The following PPM1D variants were observed in gnomAD, a reference collection of about 807,000 sequenced individuals.
PPM1D encodes protein phosphatase, Mg2+/Mn2+ dependent 1D, also known as protein phosphatase 1D.
A neutral mutation model predicts 58.3 loss-of-function variants in PPM1D; 52 were observed. That is an observed-to-expected ratio of 0.89 (90% CI 0.71 to 1.12). The LOEUF (loss-of-function observed/expected upper bound fraction) is 1.12, where lower values mean the gene tolerates loss of function less well. PPM1D is among the 50% of genes most tolerant of loss of function. PPM1D has a pLI of 0.00. For missense variants in PPM1D, 564 were observed against 777.2 expected (o/e 0.73, Z 3.26); for synonymous variants, 278 against 285.1 (o/e 0.98, Z 0.25).
chr17:60,611,274 G>T (rs931766356), intron 1 of PPM1D, among the ~76,000 whole-genome samples: 8 of 152,152 alleles, frequency 5.3e-5, no homozygotes, highest in Non-Finnish European at 1.0e-4. Flanking sequence ...GCACGCCTTG[G>T]CCTCCTAAAG....
At chr17:60,639,084 G>A (rs895491444) in intron 3 of PPM1D, among the ~76,000 whole-genome samples, 1 of 152,024 alleles carries the variant, frequency 6.6e-6, no homozygotes, top group African/African-American at 2.4e-5. Flanking sequence ...GGGTTGAAAG[G>A]CATTCATCAG....
At position 60,628,507 on chromosome 17, in the gene PPM1D, G is replaced by C. The variant is rs556150542; in HGVS notation, c.701+4758G>C. 6.6e-5 allele frequency among the ~76,000 whole-genome samples: 10 copies of C among 152,164 alleles called. No individual in the cohort carries two copies. In the South Asian group the frequency reaches 2.1e-3, roughly 32 times the overall value. On this transcript the variant is annotated intron_variant, in intron 2 of 5. Coordinates refer to ENST00000305921, the MANE Select transcript of PPM1D (RefSeq NM_003620.4). The stretch of plus-strand genomic sequence containing the variant: ...CGTAAGAGTCCTCTGTACTTTGTCT[G>C]TTCATCCCTCCCCCACTTACTCCTG...
rs773093773 is a variant in PPM1D, at chr17:60,663,550, T to C, written c.1816T>C (p.Ter606ArgextTer6). The C allele has an allele frequency of 6.2e-7, 1 of 1,603,614 alleles. No individual in the cohort carries two copies. Among genetic ancestry groups the C allele is most frequent in the South Asian group, 1.1e-5 (1 of 90,970 alleles). Residue 606 changes from the stop codon to arginine, a stop_lost, in exon 6 of 6, where the codon TGA (stop) becomes CGA (arginine). Coordinates refer to ENST00000305921, the MANE Select transcript of PPM1D (RefSeq NM_003620.4). The stretch of plus-strand genomic sequence containing the variant: ...ACACAGGAAAACTGTTTGTGTTTGC[T>C]GAAATGCATCTGGGAAATGAGGTTT... ...HQHRKTVCVC[*>R]
rs1252591568 is a variant in PPM1D, at chr17:60,665,954, A to C, written c.*2402A>C. ...TGTTTTTTGTAACCTAGCCTCTGAA[A>C]GTGTCATACCAATTCTGTATTTTGT... On this transcript the variant is annotated 3_prime_UTR_variant, in exon 6 of 6. Coordinates refer to ENST00000305921, the MANE Select transcript of PPM1D (RefSeq NM_003620.4). 2.0e-5 allele frequency: 3 copies of C among 152,208 alleles called. No individual in the cohort carries two copies. The highest frequency in any genetic ancestry group is 7.2e-5 in the African/African-American group (3 of 41,448). The allele number at this position is 152,208 out of a possible 1,614,324, so 9.4% of individuals were successfully genotyped here.
intron 5 of PPM1D, chr17:60,657,153 G>A (rs2031457056): frequency 1.3e-5 from 14 of 1,096,262 alleles, no homozygotes; most frequent in South Asian, 9.5e-5. Context: ...TTTGAATCTC[G>A]TAGCCCAGAA....
chr17:60,663,297 GAAAGCCCAAGAAA>G lies in PPM1D; in HGVS notation c.1564_1576del (p.Lys522LeufsTer13). 1 of 1,614,176 alleles carries G rather than the reference GAAAGCCCAAGAAA, an allele frequency of 6.2e-7. No homozygotes were observed. Among genetic ancestry groups the G allele is most frequent in the Non-Finnish European group, 8.5e-7 (1 of 1,180,028 alleles). ...TGAAGATGTCAACTCCTGGCCAAAT[GAAAGCCCAAGAAA>G]TTGAAAGAACCCCTCCAACAAACTT... On this transcript the variant is annotated frameshift_variant, in exon 6 of 6. Transcript: ENST00000305921. LOFTEE classifies it high-confidence loss of function.
Position 60,663,304 on chromosome 17 carries a change from CAAGA to C in PPM1D, c.1573_1576del (p.Glu525LeufsTer13). ...GTCAACTCCTGGCCAAATGAAAGCC[CAAGA>C]AATTGAAAGAACCCCTCCAACAAAC... On this transcript the variant is annotated frameshift_variant, in exon 6 of 6. Coordinates refer to ENST00000305921, the MANE Select transcript of PPM1D (RefSeq NM_003620.4). LOFTEE classifies it high-confidence loss of function. The C allele has an allele frequency of 6.2e-7, 1 of 1,614,092 alleles. No individual in the cohort carries two copies. The highest frequency in any genetic ancestry group is 8.5e-7 in the Non-Finnish European group (1 of 1,180,012).
intron 3 of PPM1D, among the ~76,000 whole-genome samples, chr17:60,642,352 ATT>A (rs760188816): frequency 5.4e-4 from 67 of 124,806 alleles, no homozygotes; most frequent in Admixed American, 9.1e-4. Flanking sequence ...AGAAGAATGG[ATT>A]TTTTTTTTTT....
chr17:60,603,147 A>G (rs926460622), intron 1 of PPM1D, among the ~76,000 whole-genome samples: 5 of 152,170 alleles, frequency 3.3e-5, no homozygotes, highest in Non-Finnish European at 7.4e-5. Context: ...TTCTGTGAAG[A>G]CTACTTTCTT....
Position 60,600,889 on chromosome 17 carries a change from A to G in PPM1D, c.472+3A>G. 6.2e-7 allele frequency: 1 copy of G among 1,613,054 alleles called. No individual in the cohort carries two copies. ...CCTTGCCATGTGGAAGAAACTGGGT[A>G]AGTTCCCTGGCTTGTTTGGCGCCCG... On this transcript the variant is annotated splice_donor_region_variant and intron_variant, in intron 1 of 5. Coordinates refer to ENST00000305921, the MANE Select transcript of PPM1D (RefSeq NM_003620.4).
At chr17:60,624,831 A>G (rs1257121400) in intron 2 of PPM1D, among the ~76,000 whole-genome samples, 3 of 151,720 alleles carry the variant, frequency 2.0e-5, no homozygotes, top group Non-Finnish European at 4.4e-5. Context: ...AAGGAGTTCA[A>G]CAAATTAATA....
chr17:60,655,476 G>A (rs1233844597), intron 4 of PPM1D, among the ~76,000 whole-genome samples: 1 of 152,114 alleles, frequency 6.6e-6, no homozygotes, highest in Non-Finnish European at 1.5e-5. Context: ...AGCCTCCCAA[G>A]TAGCTGGGAT....
intron 2 of PPM1D, among the ~76,000 whole-genome samples, chr17:60,628,451 A>G (rs932552557): frequency 6.6e-6 from 1 of 152,154 alleles, no homozygotes; most frequent in Non-Finnish European, 1.5e-5. Context: ...CGTATCCATC[A>G]TTATAGTATC....
At chr17:60,660,142 C>T (rs565605807) in intron 5 of PPM1D, among the ~76,000 whole-genome samples, 218 of 152,202 alleles carry the variant, frequency 1.4e-3, no homozygotes, top group Non-Finnish European at 2.1e-3. Flanking sequence ...TTGAGACCAG[C>T]CTGGCCAACA....
In PPM1D at chr17:60,663,092, C is replaced by G. The variant is rs765346414; in HGVS notation, c.1358C>G (p.Ser453Ter). Residue 453 changes from serine to a stop codon, truncating the protein, a stop_gained, in exon 6 of 6, where the codon TCA becomes TGA. Coordinates refer to ENST00000305921, the MANE Select transcript of PPM1D (RefSeq NM_003620.4). LOFTEE classifies it high-confidence loss of function. ...TTCTCAGAGAATTTTTTAGAGGTTT[C>G]AGCTGAGATAGCTCGAGAGAATGTC... ...NAFSENFLEV[S>*]AEIARENVQG... 6.2e-7 allele frequency: 1 copy of G among 1,614,004 alleles called. No individual in the cohort carries two copies.
chr17:60,630,210 AT>A (rs1474241670), intron 2 of PPM1D, among the ~76,000 whole-genome samples: 1 of 152,034 alleles, frequency 6.6e-6, no homozygotes, highest in Non-Finnish European at 1.5e-5. Flanking sequence ...AATAAAATAA[AT>A]GAACAAAAAA....
chr17:60,621,830 A>G (rs1243573498), intron 1 of PPM1D, among the ~76,000 whole-genome samples: 1 of 148,338 alleles, frequency 6.7e-6, no homozygotes, highest in African/African-American at 2.5e-5. Context: ...TTGGCCTCCT[A>G]AAGTGCTGAG....
chr17:60,616,333 G>C (rs1428196884), intron 1 of PPM1D, among the ~76,000 whole-genome samples: 1 of 151,912 alleles, frequency 6.6e-6, no homozygotes, highest in Non-Finnish European at 1.5e-5. Flanking sequence ...AAAAGGCCAG[G>C]TTCAGTGGCT....
chr17:60,614,079 C>T (rs1296336398), intron 1 of PPM1D, among the ~76,000 whole-genome samples: 4 of 151,202 alleles, frequency 2.6e-5, no homozygotes, highest in African/African-American at 9.7e-5. Flanking sequence ...GCGGGATCCA[C>T]TGCAAAGCCA....
Sources: allele counts gnomAD v4.1 joint callset (sites outside exome capture counted in the v4.1 genomes callset), GRCh38; gene constraint gnomAD v4.1.1; transcripts MANE v1.5; gene names NCBI Gene and HGNC (gene_info 2026-07-23, HGNC 2026-07-21).